The following STIM2 variants were observed in gnomAD, a reference collection of about 807,000 sequenced individuals.
STIM2 encodes the protein stromal interaction molecule 2.
In STIM2, 31 loss-of-function variants were observed where a neutral mutation model predicts 85.8. The observed-to-expected ratio is 0.36, with a 90% CI of 0.27 to 0.49. STIM2 has a LOEUF of 0.49. Ranked by LOEUF, STIM2 falls within the 20% of genes least tolerant of loss-of-function variation. The pLI is 0.98. For synonymous variants in STIM2, 356 were observed against 331.1 expected, an observed-to-expected ratio of 1.08 and a Z score of -0.82; for missense variants, 841 against 927.6, an observed-to-expected ratio of 0.91 and a Z score of 1.21.
chr4:26,912,018 T>TC (rs1724362872), intron 1 of STIM2, among the ~76,000 whole-genome samples: 1 of 152,180 alleles, frequency 6.6e-6, no homozygotes, highest in Non-Finnish European at 1.5e-5. Context: ...AATCAGGTCT[T>TC]TGATATATTG....
chr4:26,869,232 A>C (rs146387936), intron 1 of STIM2, among the ~76,000 whole-genome samples: 76 of 150,338 alleles, frequency 5.1e-4, no homozygotes, highest in African/African-American at 1.7e-3. Context: ...GGGGGAAGTT[A>C]AGTCTGCAGC....
At chr4:26,942,258 A>G (rs76102527) in intron 2 of STIM2, among the ~76,000 whole-genome samples, 2,903 of 152,182 alleles carry the variant, frequency 0.019, 29 homozygotes, top group Middle Eastern at 0.024. Context: ...TTACCTGTGT[A>G]CTTGATCTCA....
intron 11 of STIM2, 29 bp downstream of exon 11, chr4:27,018,013 T>C (rs1400263445): frequency 5.6e-6 from 9 of 1,609,360 alleles, no homozygotes; most frequent in Non-Finnish European, 7.6e-6. Flanking sequence ...CTACAGGGCA[T>C]GTTGGGGCTG....
At chr4:27,000,905 A>AT (rs1381668995) in intron 5 of STIM2, among the ~76,000 whole-genome samples, 4 of 152,052 alleles carry the variant, frequency 2.6e-5, no homozygotes, top group Admixed American at 1.3e-4. Context: ...TGGTCAGAGA[A>AT]TAGGGCTCAC....
At chr4:26,880,764 T>C (rs902830253) in intron 1 of STIM2, among the ~76,000 whole-genome samples, 14 of 150,218 alleles carry the variant, frequency 9.3e-5, no homozygotes, top group African/African-American at 3.2e-4. Context: ...AGAGGAAATA[T>C]TTAATGCATT....
At chr4:26,862,626 G>A (rs767630908) in intron 1 of STIM2, among the ~76,000 whole-genome samples, 17 of 152,202 alleles carry the variant, frequency 1.1e-4, no homozygotes, top group Non-Finnish European at 2.2e-4. Flanking sequence ...ATAATGGTCA[G>A]CATGTTTAAC....
rs533264985 is a variant in STIM2, at chr4:26,973,190, C to A, written c.397+15464C>A. On this transcript the variant is annotated intron_variant, in intron 3 of 11. Coordinates refer to ENST00000467087, the MANE Select transcript of STIM2 (RefSeq NM_020860.4). ...ATTTTGTTGATCTTTTCAAAAAACC[C>A]GCTCCTGGATTGATTGATTTTTTGA... is the stretch of plus-strand genomic sequence containing the variant. 3.2e-4 allele frequency among the ~76,000 whole-genome samples: 48 copies of A among 152,050 alleles called. No individual in the cohort carries two copies. In the South Asian group the frequency reaches 7.5e-3, roughly 24 times the overall value.
At chr4:26,902,710 T>G (rs1723968901) in intron 1 of STIM2, among the ~76,000 whole-genome samples, 1 of 152,194 alleles carries the variant, frequency 6.6e-6, no homozygotes. Context: ...GTCAGTCTTT[T>G]GACAGTGTGT....
chr4:26,980,679 A>C (rs1169373938), intron 3 of STIM2, among the ~76,000 whole-genome samples: 2 of 152,192 alleles, frequency 1.3e-5, no homozygotes, highest in African/African-American at 2.4e-5. Context: ...GTGTTTTAGG[A>C]ATTTAAACTA....
At chr4:27,020,679 C>A (rs1433801522) in intron 11 of STIM2, among the ~76,000 whole-genome samples, 3 of 152,120 alleles carry the variant, frequency 2.0e-5, no homozygotes, top group Non-Finnish European at 4.4e-5. Context: ...AAGTGCCAGA[C>A]CTCCAGTAAA....
At chr4:26,872,200 G>A (rs1722645668) in intron 1 of STIM2, among the ~76,000 whole-genome samples, 1 of 152,170 alleles carries the variant, frequency 6.6e-6, no homozygotes, top group Admixed American at 6.5e-5. Context: ...GTTTGAGGCA[G>A]TTAGTTGATC....
chr4:26,921,555 A>G (rs953252417), intron 2 of STIM2, among the ~76,000 whole-genome samples: 1 of 152,244 alleles, frequency 6.6e-6, no homozygotes, highest in Non-Finnish European at 1.5e-5. Context: ...TTTATTTGCA[A>G]AAACAAGCAG....
chr4:26,897,866 A>C (rs1212352381), intron 1 of STIM2, among the ~76,000 whole-genome samples: 1 of 152,106 alleles, frequency 6.6e-6, no homozygotes, highest in Non-Finnish European at 1.5e-5. Flanking sequence ...TCTGGGGTCA[A>C]GGGATCTTTC....
intron 1 of STIM2, among the ~76,000 whole-genome samples, chr4:26,904,060 A>G (rs1724029985): frequency 6.6e-6 from 1 of 151,170 alleles, no homozygotes; most frequent in Non-Finnish European, 1.5e-5. Flanking sequence ...CTCGTCATTT[A>G]GCATTAGGTA....
At chr4:26,963,827 C>T (rs941117989) in intron 3 of STIM2, among the ~76,000 whole-genome samples, 1 of 152,052 alleles carries the variant, frequency 6.6e-6, no homozygotes. Context: ...GATGTAAATG[C>T]GAAATCCTTC....
intron 3 of STIM2, among the ~76,000 whole-genome samples, chr4:26,965,701 G>A (rs1726690881): frequency 6.6e-6 from 1 of 151,848 alleles, no homozygotes; most frequent in African/African-American, 2.4e-5. Flanking sequence ...GTGTTTTGGA[G>A]ATTTTGGATC....
At chr4:27,009,848 TAAGTACACGC>T (rs1278451085) in intron 10 of STIM2, among the ~76,000 whole-genome samples, 1 of 152,232 alleles carries the variant, frequency 6.6e-6, no homozygotes, top group Non-Finnish European at 1.5e-5. Flanking sequence ...CACTGATTCA[TAAGTACACGC>T]TTTTGTTTGA....
Position 26,954,887 on chromosome 4 carries a change from A to G in STIM2, c.283-2725A>G, listed in dbSNP as rs1329013332. On this transcript the variant is annotated intron_variant, in intron 2 of 11. Transcript: ENST00000467087. ...TACGAGTTATTGTGATATCCTGGAG[A>G]CATACTTCTGTTTTAAAACAGAAGT... is the stretch of plus-strand genomic sequence containing the variant. Among the ~76,000 whole-genome samples, 6 of 147,716 alleles carry G rather than the reference A, an allele frequency of 4.1e-5. 1 individual carries two copies. Among genetic ancestry groups the G allele is most frequent in the African/African-American group, 1.6e-4 (6 of 38,696 alleles).
At chr4:27,020,188 T>C (rs1162444965) in intron 11 of STIM2, among the ~76,000 whole-genome samples, 1 of 152,216 alleles carries the variant, frequency 6.6e-6, no homozygotes, top group Non-Finnish European at 1.5e-5. Flanking sequence ...TTTAAAATAC[T>C]TTTAGCCTAG....
Sources: gnomAD v4.1 joint callset for allele counts (sites outside exome capture counted in the v4.1 genomes callset) on GRCh38, gnomAD v4.1.1 for gene constraint, MANE v1.5 for transcripts, NCBI Gene and HGNC (gene_info 2026-07-23, HGNC 2026-07-21) for gene names.